The following FAM117B variants were observed in gnomAD, a reference collection of about 807,000 sequenced individuals.
FAM117B encodes the protein protein FAM117B.
In FAM117B, 22 loss-of-function variants were observed where a neutral mutation model predicts 52.8. The ratio of observed to expected loss-of-function variants is 0.42; its 90% CI spans 0.30 to 0.59. FAM117B has a LOEUF of 0.59. Among genes scored for constraint, FAM117B ranks in the 20% least tolerant of loss-of-function variants. FAM117B has a pLI of 0.22. For synonymous variants in FAM117B, 309 were observed against 324.1 expected (o/e 0.95, Z 0.50); for missense variants, 678 against 802.6 (o/e 0.84, Z 1.88).
chr2:202,724,499 G>A (rs1467533473), intron 2 of FAM117B, among the ~76,000 whole-genome samples: 2 of 152,182 alleles, frequency 1.3e-5, no homozygotes, highest in Non-Finnish European at 2.9e-5. Flanking sequence ...GTCAGATAAA[G>A]CATATGAAAG....
intron 1 of FAM117B, among the ~76,000 whole-genome samples, chr2:202,640,328 ATATATATATATATATG>A (rs1269324829): frequency 8.6e-6 from 1 of 116,706 alleles, no homozygotes; most frequent in African/African-American, 3.8e-5. Context: ...ATATATATAT[ATATATATATATATATG>A]GCAAGTCGTG....
At chr2:202,755,100 G>A (rs77226206) in intron 4 of FAM117B, among the ~76,000 whole-genome samples, 3,130 of 151,890 alleles carry the variant, frequency 0.021, 122 homozygotes, top group African/African-American at 0.072. Context: ...ACCAGATTTC[G>A]TAAGAACTCA....
rs765961957 is a variant in FAM117B, at chr2:202,635,361, C to T, written c.174C>T (p.Gly58=). 1.9e-4 allele frequency: 265 copies of T among 1,368,062 alleles called. No homozygotes were observed. The highest frequency in any genetic ancestry group is 2.0e-4 in the Non-Finnish European group (208 of 1,062,064). The allele number at this position is 1,368,062 out of a possible 1,614,324, so 84.7% of individuals were successfully genotyped here. Residue 58 remains glycine (G), a synonymous_variant, in exon 1 of 8, where the codon GGC becomes GGT. Coordinates refer to ENST00000392238, the MANE Select transcript of FAM117B (RefSeq NM_173511.4). ...QQQHGSPTRS[G]GGGGGNNNGG... ...AACATGGCAGCCCCACGCGGAGCGGCGGCGGCGGCGGCGGCAACAACAACG... is the reference window on the plus strand; with the variant it reads ...AACATGGCAGCCCCACGCGGAGCGGTGGCGGCGGCGGCGGCAACAACAACG...
rs150711840 is a variant in FAM117B, at chr2:202,685,234, C to T, written c.602-10647C>T. Among the ~76,000 whole-genome samples the T allele has an allele frequency of 8.5e-3, 1,298 of 152,246 alleles. 25 individuals are homozygous for T. Among genetic ancestry groups the T allele is most frequent in the African/African-American group, 0.03 (1,226 of 41,526 alleles). On this transcript the variant is annotated intron_variant, in intron 1 of 7. Coordinates refer to ENST00000392238, the MANE Select transcript of FAM117B (RefSeq NM_173511.4). ...TCCCGACTTCAAGTGATCCACCTGC[C>T]TCTGCCTCCCAAAGTGCTAGGATTA...
chr2:202,721,785 C>T (rs1385389922), intron 2 of FAM117B, among the ~76,000 whole-genome samples: 1 of 152,034 alleles, frequency 6.6e-6, no homozygotes, highest in Non-Finnish European at 1.5e-5. Flanking sequence ...AGTCGTGAGT[C>T]ATGAGGCCCA....
intron 1 of FAM117B, among the ~76,000 whole-genome samples, chr2:202,658,540 G>T (rs954726756): frequency 1.3e-5 from 2 of 152,066 alleles, no homozygotes; most frequent in African/African-American, 4.8e-5. Context: ...GACCTCAAGT[G>T]ATCCACCCGT....
At chr2:202,655,749 A>AGTGT (rs1559095433) in intron 1 of FAM117B, among the ~76,000 whole-genome samples, 4 of 133,744 alleles carry the variant, frequency 3.0e-5, no homozygotes, top group African/African-American at 1.5e-4. Context: ...AGAGAGAGAG[A>AGTGT]GAGAGAGAGA....
intron 2 of FAM117B, among the ~76,000 whole-genome samples, chr2:202,713,748 T>C (rs1361624012): frequency 1.3e-5 from 2 of 152,136 alleles, no homozygotes; most frequent in Non-Finnish European, 2.9e-5. Context: ...GCTCTGTTGC[T>C]CAGGTTGGAG....
chr2:202,645,190 T>G (rs1689840983), intron 1 of FAM117B, among the ~76,000 whole-genome samples: 1 of 152,194 alleles, frequency 6.6e-6, no homozygotes, highest in African/African-American at 2.4e-5. Flanking sequence ...TTGCCCAGGC[T>G]GGTCTGGAAC....
At chr2:202,673,922 GGT>G (rs2105767010) in intron 1 of FAM117B, among the ~76,000 whole-genome samples, 1 of 152,142 alleles carries the variant, frequency 6.6e-6, no homozygotes, top group South Asian at 2.1e-4. Flanking sequence ...CTACATGATG[GGT>G]GTTTTGTATT....
At position 202,670,763 on chromosome 2, in the gene FAM117B, T is replaced by C. The variant is rs374889507; in HGVS notation, c.602-25118T>C. On this transcript the variant is annotated intron_variant, in intron 1 of 7. Coordinates refer to ENST00000392238, the MANE Select transcript of FAM117B (RefSeq NM_173511.4). ...CATTCTGCGCCCATTTCAGAGTCAGTTACTGCATCCAGAAGAATGAATTAT... is the reference window on the plus strand; with the variant it reads ...CATTCTGCGCCCATTTCAGAGTCAGCTACTGCATCCAGAAGAATGAATTAT... 3.2e-4 allele frequency among the ~76,000 whole-genome samples: 49 copies of C among 152,322 alleles called. No homozygotes were observed. In the South Asian group the frequency reaches 9.9e-3, roughly 31 times the overall value.
rs1314007828 is a variant in FAM117B, at chr2:202,765,980, C to T, written c.*216C>T. ...GCTTAGCCTGCTTTTTATCAAAGCA[C>T]TGATTGAAACAAGAAAGGTCTCATT... On this transcript the variant is annotated 3_prime_UTR_variant, in exon 8 of 8. Coordinates refer to ENST00000392238, the MANE Select transcript of FAM117B (RefSeq NM_173511.4). 2 of 560,598 alleles carry T rather than the reference C, an allele frequency of 3.6e-6. No homozygotes were observed. Among genetic ancestry groups the T allele is most frequent in the Non-Finnish European group, 6.3e-6 (2 of 315,994 alleles). The allele number at this position is 560,598 out of a possible 1,614,324, so 34.7% of individuals were successfully genotyped here.
intron 1 of FAM117B, among the ~76,000 whole-genome samples, chr2:202,648,103 TAAG>T (rs1689896681): frequency 6.6e-6 from 1 of 152,178 alleles, no homozygotes; most frequent in South Asian, 2.1e-4. Context: ...TTATAAATGG[TAAG>T]GAGAATACAG....
At chr2:202,734,182 A>C (rs1010799508) in intron 4 of FAM117B, among the ~76,000 whole-genome samples, 24 of 152,124 alleles carry the variant, frequency 1.6e-4, no homozygotes, top group African/African-American at 5.8e-4. Context: ...GTATGATTTG[A>C]AAATAGATTG....
chr2:202,680,686 G>T (rs557703815), intron 1 of FAM117B, among the ~76,000 whole-genome samples: 9 of 152,268 alleles, frequency 5.9e-5, no homozygotes, highest in African/African-American at 2.2e-4. Flanking sequence ...GAGCAAAATA[G>T]AATTTGGCAT....
intron 1 of FAM117B, among the ~76,000 whole-genome samples, chr2:202,695,568 A>C (rs1477210319): frequency 6.6e-6 from 1 of 152,226 alleles, no homozygotes; most frequent in Non-Finnish European, 1.5e-5. Context: ...CTCAAAGCCC[A>C]AGAGCAGTGA....
intron 2 of FAM117B, among the ~76,000 whole-genome samples, chr2:202,709,492 A>G (rs1690927672): frequency 6.6e-6 from 1 of 151,980 alleles, no homozygotes; most frequent in Non-Finnish European, 1.5e-5. Flanking sequence ...GTGAGCCACC[A>G]CGCCTGGCCA....
chr2:202,751,344 A>G (rs924377613), intron 4 of FAM117B, among the ~76,000 whole-genome samples: 3 of 152,190 alleles, frequency 2.0e-5, no homozygotes, highest in Non-Finnish European at 4.4e-5. Flanking sequence ...TGCTTTAGCC[A>G]CCCACTAAAC....
intron 2 of FAM117B, among the ~76,000 whole-genome samples, chr2:202,697,813 G>A (rs1226256946): frequency 1.3e-5 from 2 of 151,972 alleles, no homozygotes; most frequent in East Asian, 3.9e-4. Context: ...GCCTCCCAAA[G>A]TGCTGGGATT....
Sources: gnomAD v4.1 joint callset for allele counts (sites outside exome capture counted in the v4.1 genomes callset) on GRCh38, gnomAD v4.1.1 for gene constraint, MANE v1.5 for transcripts, NCBI Gene and HGNC (gene_info 2026-07-23, HGNC 2026-07-21) for gene names.